RPGRIP1L: variants seen among roughly 807,000 people sequenced by gnomAD.
RPGRIP1L encodes RPGRIP1 like.
RPGRIP1L carries 131 observed loss-of-function variants against 160.4 expected under a neutral mutation model. The ratio of observed to expected loss-of-function variants is 0.82; its 90% CI spans 0.71 to 0.94. The LOEUF is 0.94. Among genes scored for constraint, RPGRIP1L ranks in the 40% least tolerant of loss-of-function variants. RPGRIP1L has a pLI of 0.00. For missense variants in RPGRIP1L, 1,522 were observed against 1,535.8 expected, an observed-to-expected ratio of 0.99 and a Z score of 0.15; for synonymous variants, 510 against 515.8, an observed-to-expected ratio of 0.99 and a Z score of 0.15.
At chr16:53,639,597 T>C (rs1024094924) in intron 19 of RPGRIP1L, among the ~76,000 whole-genome samples, 1 of 152,140 alleles carries the variant, frequency 6.6e-6, no homozygotes, top group South Asian at 2.1e-4. Context: ...TTTTTAATGT[T>C]AGTGGTCATT....
chr16:53,677,931 G>GT (rs1432403603), intron 6 of RPGRIP1L, among the ~76,000 whole-genome samples: 3 of 152,112 alleles, frequency 2.0e-5, no homozygotes, highest in African/African-American at 7.2e-5. Context: ...ATAATGCATG[G>GT]TAAAAACATT....
chr16:53,665,790 T>C (rs1461528848), intron 9 of RPGRIP1L, among the ~76,000 whole-genome samples: 1 of 152,206 alleles, frequency 6.6e-6, no homozygotes, highest in Non-Finnish European at 1.5e-5. Flanking sequence ...CATTCGTTTA[T>C]GCCAGTGGTT....
chr16:53,661,238 G>A (rs7204352), intron 10 of RPGRIP1L, among the ~76,000 whole-genome samples: 14,648 of 149,880 alleles, frequency 0.098, 1,209 homozygotes, highest in African/African-American at 0.22. Flanking sequence ...CGGAGGTTGT[G>A]GTGAGCCGAG....
chr16:53,662,074 C>T (rs1434605935), intron 10 of RPGRIP1L, among the ~76,000 whole-genome samples: 1 of 152,122 alleles, frequency 6.6e-6, no homozygotes, highest in African/African-American at 2.4e-5. Context: ...AACCTCCTTA[C>T]CTTATGATTT....
chr16:53,700,763 T>C (rs1971335596), intron 1 of RPGRIP1L, 33 bp from the exon 2 acceptor site: 22 of 1,512,282 alleles, frequency 1.5e-5, no homozygotes, highest in Non-Finnish European at 2.0e-5. Context: ...ATAAACTCTT[T>C]CCAAATTATT....
At position 53,614,491 on chromosome 16, in the gene RPGRIP1L, A is replaced by G. The variant is rs568799491; in HGVS notation, c.3617-3440T>C. ...GCTGCTGGTGGTGGGGGTTCTACAC[A>G]TTGAGAAACATTGTTTGGCCCAACA... is the stretch of plus-strand genomic sequence containing the variant. On this transcript the variant is annotated intron_variant, in intron 24 of 26. Coordinates refer to ENST00000647211, the MANE Select transcript of RPGRIP1L (RefSeq NM_015272.5). Among the ~76,000 whole-genome samples the G allele has an allele frequency of 2.0e-5, 3 of 152,320 alleles. No individual in the cohort carries two copies. In the South Asian group the frequency reaches 6.2e-4, roughly 32 times the overall value.
intron 2 of RPGRIP1L, among the ~76,000 whole-genome samples, chr16:53,696,554 C>T (rs568861578): frequency 2.0e-5 from 3 of 152,210 alleles, no homozygotes; most frequent in South Asian, 4.2e-4. Flanking sequence ...TATTCAAGTG[C>T]CGTTCTTTAA....
chr16:53,698,200 G>A (rs1227046311), intron 2 of RPGRIP1L, among the ~76,000 whole-genome samples: 9 of 151,444 alleles, frequency 5.9e-5, no homozygotes, highest in Non-Finnish European at 1.3e-4. Flanking sequence ...GAGCCCCTCC[G>A]CCCGGCAGCC....
rs1415867772 is a variant in RPGRIP1L at position 53,605,512 on chromosome 16, T to C, written c.3804A>G (p.Glu1268=). 1 of 1,614,024 alleles carries C rather than the reference T, an allele frequency of 6.2e-7. No individual in the cohort carries two copies. The highest frequency in any genetic ancestry group is 8.5e-7 in the Non-Finnish European group (1 of 1,180,016). Residue 1268 remains glutamate, a synonymous_variant, in exon 26 of 27, where the codon GAA becomes GAG. Transcript: ENST00000647211. ...AHVDLADMFQ[E]GRDLIEQNID... ...TATTTTGCTCAATGAGGTCCCTCCCTTCCTGAAACATGTCGGCAAGGTCGA... is the reference window on the plus strand; with the variant it reads ...TATTTTGCTCAATGAGGTCCCTCCCCTCCTGAAACATGTCGGCAAGGTCGA...
chr16:53,641,506 T>C (rs370103914), intron 17 of RPGRIP1L, 31 bp from the exon 18 acceptor site: 2 of 1,569,268 alleles, frequency 1.3e-6, no homozygotes, highest in Non-Finnish European at 8.8e-7. Flanking sequence ...TAATTAATGC[T>C]AGAGTGAAGT....
chr16:53,695,850 G>A, intron 3 of RPGRIP1L: 1 of 320,282 alleles, frequency 3.1e-6, no homozygotes, highest in Non-Finnish European at 5.8e-6. Flanking sequence ...CAGATGCTTT[G>A]GCCATTTGCT....
At chr16:53,675,401 T>C (rs1332544712) in intron 6 of RPGRIP1L, among the ~76,000 whole-genome samples, 2 of 152,158 alleles carry the variant, frequency 1.3e-5, no homozygotes, top group African/African-American at 4.8e-5. Context: ...ATTGATAATA[T>C]GGATTTAAAA....
Position 53,636,941 on chromosome 16 carries a change from G to GACAC in RPGRIP1L, c.3221-433_3221-430dup, listed in dbSNP as rs34373919. On this transcript the variant is annotated intron_variant, in intron 21 of 26. Transcript: ENST00000647211. ...TACACACAATTAAACTGCAATATTTGACACACACACACACACACACACACA... is the reference window on the plus strand; with the variant it reads ...TACACACAATTAAACTGCAATATTTGACACACACACACACACACACACACACACA... Among the ~76,000 whole-genome samples, 933 of 142,204 alleles carry GACAC rather than the reference G, an allele frequency of 6.6e-3. 1 individual carries two copies. Among genetic ancestry groups the GACAC allele is most frequent in the Middle Eastern group, 0.01 (3 of 288 alleles). The allele number at this position is 142,204 out of a possible 152,430, so 93.3% of individuals were successfully genotyped here. A position where few individuals can be genotyped will look rare whatever the true frequency, so the allele number is the denominator to read the frequency against.
rs1191426587 is a variant in RPGRIP1L at position 53,664,890 on chromosome 16, T to C, written c.1223A>G (p.Asp408Gly). 6.2e-7 allele frequency: 1 copy of C among 1,611,686 alleles called. No homozygotes were observed. ...SDLTDKTEIL[D>G]RLKTERDQNE... ...TGTACCTCTTTCAGTTTTTAATCTG[T>C]CAAGGATTTCAGTTTTGTCTGTTAA... The change falls in exon 10 of 27, where the codon GAC becomes GGC. Residue 408 changes from aspartate (D) to glycine (G), a missense_variant. Asp to Gly is a moderately conservative substitution (Grantham distance 94, BLOSUM62 -1). Coordinates refer to ENST00000647211, the MANE Select transcript of RPGRIP1L (RefSeq NM_015272.5).
chr16:53,608,150 T>C (rs1194744639), intron 25 of RPGRIP1L, among the ~76,000 whole-genome samples: 1 of 152,206 alleles, frequency 6.6e-6, no homozygotes, highest in Non-Finnish European at 1.5e-5. Context: ...TGCCTGGTCC[T>C]GGAACACATC....
chr16:53,675,757 T>C (rs751291903), intron 6 of RPGRIP1L, among the ~76,000 whole-genome samples: 15 of 152,190 alleles, frequency 9.9e-5, no homozygotes, highest in Non-Finnish European at 1.5e-4. Flanking sequence ...ACAGGGTATA[T>C]AGAAACCTTA....
chr16:53,639,728 A>G (rs1014055924), intron 19 of RPGRIP1L, among the ~76,000 whole-genome samples: 7 of 152,206 alleles, frequency 4.6e-5, no homozygotes, highest in Non-Finnish European at 1.0e-4. Flanking sequence ...TCTAGTATCA[A>G]CTACATAGGG....
At position 53,652,536 on chromosome 16, in the gene RPGRIP1L, A is replaced by G; in HGVS notation, c.2151T>C (p.Ile717=). 6.2e-7 allele frequency: 1 copy of G among 1,611,410 alleles called. No homozygotes were observed. Among genetic ancestry groups the G allele is most frequent in the Middle Eastern group, 1.7e-4 (1 of 6,050 alleles). ...CCAAGGCTTATACATTGTACTTACC[A>G]ATCAAACTTGCTGTACAAAATATTC... ...SGRIFCTASL[I]GTKGDIPNFG... Residue 717 remains isoleucine (I), a splice_region_variant and synonymous_variant, in exon 15 of 27, where the codon ATT becomes ATC. Coordinates refer to ENST00000647211, the MANE Select transcript of RPGRIP1L (RefSeq NM_015272.5).
rs371258046 is a variant in RPGRIP1L, at chr16:53,652,737, G to A, written c.1950C>T (p.Gly650=). The A allele has an allele frequency of 8.1e-6, 13 of 1,614,012 alleles. No individual in the cohort carries two copies. Among genetic ancestry groups the A allele is most frequent in the Non-Finnish European group, 1.1e-5 (13 of 1,179,988 alleles). The change falls in exon 15 of 27, where the codon GGC becomes GGT. Residue 650 remains glycine, a synonymous_variant. Coordinates refer to ENST00000647211, the MANE Select transcript of RPGRIP1L (RefSeq NM_015272.5). ...AAGTGAAGTTATATTCGGGATGAAG[G>A]CCTCGCACTACGGGAGTTGTCTGTA... ...FELQTTPVVR[G]LHPEYNFTSQ...
Sources: allele counts gnomAD v4.1 joint callset (sites outside exome capture counted in the v4.1 genomes callset), GRCh38; gene constraint gnomAD v4.1.1; transcripts MANE v1.5; gene names NCBI Gene and HGNC (gene_info 2026-07-23, HGNC 2026-07-21).